EDIL3: variants seen among roughly 807,000 people sequenced by gnomAD.
The protein encoded by EDIL3 is EGF like and discoidin domains 3.
A neutral mutation model predicts 67.4 loss-of-function variants in EDIL3; 37 were observed. That is an observed-to-expected ratio of 0.55 (90% CI 0.42 to 0.72). EDIL3 has a LOEUF of 0.72. Among genes scored for constraint, EDIL3 ranks in the 30% least tolerant of loss-of-function variants. EDIL3 has a pLI of 0.00. For missense variants in EDIL3, 527 were observed against 586.3 expected, an observed-to-expected ratio of 0.90 and a Z score of 1.04; for synonymous variants, 195 against 196.3, an observed-to-expected ratio of 0.99 and a Z score of 0.05.
At chr5:84,265,374 G>C (rs1745325872) in intron 1 of EDIL3, among the ~76,000 whole-genome samples, 1 of 152,092 alleles carries the variant, frequency 6.6e-6, no homozygotes, top group Non-Finnish European at 1.5e-5. Context: ...GACTGTATAT[G>C]CTTATCTATT....
At chr5:84,336,462 G>C (rs912520551) in intron 1 of EDIL3, among the ~76,000 whole-genome samples, 1 of 152,218 alleles carries the variant, frequency 6.6e-6, no homozygotes, top group East Asian at 1.9e-4. Flanking sequence ...GATTAGAGGA[G>C]GCTGAAACAT....
At chr5:84,181,227 C>T (rs1024248085) in intron 3 of EDIL3, 17 of 152,302 alleles carry the variant, frequency 1.1e-4, no homozygotes, top group African/African-American at 3.6e-4. Context: ...GTACCTGTGG[C>T]TGCTAATGAA....
chr5:84,242,211 G>C (rs577838025), intron 2 of EDIL3, among the ~76,000 whole-genome samples: 24 of 151,694 alleles, frequency 1.6e-4, no homozygotes, highest in African/African-American at 5.1e-4. Context: ...CAGCCTGCGC[G>C]GCAGAGCGAG....
chr5:84,384,470 C>G lies in EDIL3; in HGVS notation c.-96G>C. 1 of 1,181,420 alleles carries G rather than the reference C, an allele frequency of 8.5e-7. No individual in the cohort carries two copies. Among genetic ancestry groups the G allele is most frequent in the South Asian group, 1.3e-5 (1 of 76,732 alleles). The allele number at this position is 1,181,420 out of a possible 1,614,324, so 73.2% of individuals were successfully genotyped here. On this transcript the variant is annotated 5_prime_UTR_variant, in exon 1 of 11. Coordinates refer to ENST00000296591, the MANE Select transcript of EDIL3 (RefSeq NM_005711.5). The stretch of plus-strand genomic sequence containing the variant: ...GCGCAGGGCAGCAGCAGACTCCGCC[C>G]CTACTAAAGAATTCAAGAAGACGTT...
At chr5:84,062,878 A>G (rs1470088724) in intron 8 of EDIL3, among the ~76,000 whole-genome samples, 1 of 152,088 alleles carries the variant, frequency 6.6e-6, no homozygotes, top group Admixed American at 6.6e-5. Flanking sequence ...AAGCATATAA[A>G]TTAATTAACT....
At chr5:84,174,877 A>G (rs1050084639) in intron 4 of EDIL3, among the ~76,000 whole-genome samples, 2 of 152,170 alleles carry the variant, frequency 1.3e-5, no homozygotes, top group Non-Finnish European at 2.9e-5. Flanking sequence ...GCTCCTCTGC[A>G]TACCTGGCCC....
At chr5:84,339,463 G>A (rs1747054314) in intron 1 of EDIL3, among the ~76,000 whole-genome samples, 2 of 152,056 alleles carry the variant, frequency 1.3e-5, no homozygotes, top group South Asian at 4.1e-4. Flanking sequence ...TTTATATTTA[G>A]TTTCTCCCTC....
In EDIL3 at chr5:84,054,880, C is replaced by G. The variant is rs575697401; in HGVS notation, c.1137+5420G>C. Among the ~76,000 whole-genome samples the G allele has an allele frequency of 4.4e-4, 59 of 133,168 alleles. 14 individuals carry two copies. The highest frequency in any genetic ancestry group is 1.9e-3 in the African/African-American group (58 of 30,372). 87.4% of individuals were successfully genotyped at this position (133,168 alleles called of 152,430 possible). On this transcript the variant is annotated intron_variant, in intron 9 of 10. Coordinates refer to ENST00000296591, the MANE Select transcript of EDIL3 (RefSeq NM_005711.5). Reference sequence around the variant, plus strand: ...AATCAATATCGTGAAAATGGCCATACTGCCCAAGGTAATTTATAGATTCAA... The same window carrying G: ...AATCAATATCGTGAAAATGGCCATAGTGCCCAAGGTAATTTATAGATTCAA...
At chr5:84,185,888 T>C (rs1170677824) in intron 3 of EDIL3, among the ~76,000 whole-genome samples, 1 of 152,140 alleles carries the variant, frequency 6.6e-6, no homozygotes, top group Non-Finnish European at 1.5e-5. Context: ...TCTCATTAAC[T>C]GTTTGAGTTA....
chr5:84,297,637 C>T (rs1746077056), intron 1 of EDIL3, among the ~76,000 whole-genome samples: 1 of 152,110 alleles, frequency 6.6e-6, no homozygotes, highest in Non-Finnish European at 1.5e-5. Flanking sequence ...GCTGAGGAGG[C>T]TGAGAAGCCC....
At chr5:84,015,596 A>G (rs1415801437) in intron 9 of EDIL3, among the ~76,000 whole-genome samples, 2 of 152,186 alleles carry the variant, frequency 1.3e-5, no homozygotes, top group Non-Finnish European at 2.9e-5. Flanking sequence ...AAAATCACTT[A>G]GCAGGGATGA....
At chr5:84,362,234 A>G (rs114183443) in intron 1 of EDIL3, among the ~76,000 whole-genome samples, 246 of 152,272 alleles carry the variant, frequency 1.6e-3, no homozygotes, top group African/African-American at 5.7e-3. Context: ...AAGAAAGAAC[A>G]GTGTGTAAAT....
chr5:84,323,591 G>A (rs1464938942), intron 1 of EDIL3, among the ~76,000 whole-genome samples: 1 of 151,844 alleles, frequency 6.6e-6, no homozygotes, highest in Non-Finnish European at 1.5e-5. Flanking sequence ...AAATGCAAAT[G>A]GATTGAATCC....
intron 3 of EDIL3, among the ~76,000 whole-genome samples, chr5:84,228,914 T>A (rs1744503603): frequency 6.6e-6 from 1 of 152,102 alleles, no homozygotes; most frequent in Non-Finnish European, 1.5e-5. Context: ...CAAGCACCAT[T>A]CTGACCATTA....
At chr5:84,341,026 A>C (rs1747100754) in intron 1 of EDIL3, among the ~76,000 whole-genome samples, 1 of 151,908 alleles carries the variant, frequency 6.6e-6, no homozygotes, top group Admixed American at 6.6e-5. Flanking sequence ...ACTTAACAGA[A>C]AGTTGCCCTC....
At chr5:84,068,195 T>C (rs1254441391) in intron 6 of EDIL3, among the ~76,000 whole-genome samples, 8 of 152,214 alleles carry the variant, frequency 5.3e-5, no homozygotes. Context: ...CACATCGCTA[T>C]GAAAGAGTCA....
chr5:84,273,473 GGAT>G (rs1216581140), intron 1 of EDIL3, among the ~76,000 whole-genome samples: 1 of 152,078 alleles, frequency 6.6e-6, no homozygotes, highest in African/African-American at 2.4e-5. Context: ...TAAAAAGTGA[GGAT>G]AATAACAGCG....
intron 1 of EDIL3, among the ~76,000 whole-genome samples, chr5:84,305,570 A>G (rs1746247496): frequency 6.6e-6 from 1 of 152,244 alleles, no homozygotes; most frequent in Admixed American, 6.5e-5. Context: ...TCTCCTGCTT[A>G]TCAGTTAAAA....
At chr5:84,054,261 C>T (rs1336618765) in intron 9 of EDIL3, among the ~76,000 whole-genome samples, 5 of 152,268 alleles carry the variant, frequency 3.3e-5, no homozygotes, top group South Asian at 2.1e-4. Flanking sequence ...TTCAACAACT[C>T]TTCATGCTAA....
Sources: allele counts gnomAD v4.1 joint callset (sites outside exome capture counted in the v4.1 genomes callset), GRCh38; gene constraint gnomAD v4.1.1; transcripts MANE v1.5; gene names NCBI Gene and HGNC (gene_info 2026-07-23, HGNC 2026-07-21).